KCNH1: variants seen among roughly 807,000 people sequenced by gnomAD.
The protein encoded by KCNH1 is voltage-gated delayed rectifier potassium channel KCNH1.
A neutral mutation model predicts 69.2 loss-of-function variants in KCNH1; 27 were observed. That is an observed-to-expected ratio of 0.39 (90% CI 0.29 to 0.54). KCNH1 has a LOEUF of 0.54. Among genes scored for constraint, KCNH1 ranks in the 20% least tolerant of loss-of-function variants. The pLI, the probability that KCNH1 is intolerant of heterozygous loss-of-function variation, is 0.68. For missense variants in KCNH1, 798 were observed against 1,261.6 expected (o/e 0.63, Z 5.57); for synonymous variants, 456 against 487.7 (o/e 0.93, Z 0.86).
At chr1:211,044,299 G>C (rs763087367) in intron 5 of KCNH1, among the ~76,000 whole-genome samples, 1 of 152,006 alleles carries the variant, frequency 6.6e-6, no homozygotes, top group African/African-American at 2.4e-5. Context: ...CACCAACAGC[G>C]ACCAAGTGGA....
At chr1:210,836,021 T>C (rs1211903224) in intron 7 of KCNH1, among the ~76,000 whole-genome samples, 1 of 143,942 alleles carries the variant, frequency 6.9e-6, no homozygotes, top group African/African-American at 2.6e-5. Context: ...TCCCAGCTAC[T>C]AGGGAGGCTG....
At chr1:210,840,660 G>T (rs1685387501) in intron 7 of KCNH1, among the ~76,000 whole-genome samples, 1 of 152,188 alleles carries the variant, frequency 6.6e-6, no homozygotes, top group Non-Finnish European at 1.5e-5. Flanking sequence ...GCAAAAGCAA[G>T]CTTGGAGTCT....
At chr1:211,095,016 T>C (rs1405796409) in intron 3 of KCNH1, among the ~76,000 whole-genome samples, 1 of 152,194 alleles carries the variant, frequency 6.6e-6, no homozygotes, top group African/African-American at 2.4e-5. Context: ...TATTCAGGTA[T>C]CCTTTGGCTC....
At chr1:210,733,740 G>A (rs754541033) in intron 10 of KCNH1, among the ~76,000 whole-genome samples, 22 of 152,112 alleles carry the variant, frequency 1.4e-4, no homozygotes, top group Non-Finnish European at 1.9e-4. Flanking sequence ...GTCTGGGCAG[G>A]GCTGTGAAAA....
intron 6 of KCNH1, among the ~76,000 whole-genome samples, chr1:211,012,021 A>G (rs1689404353): frequency 6.6e-6 from 1 of 152,244 alleles, no homozygotes; most frequent in Non-Finnish European, 1.5e-5. Context: ...AAATGCACTC[A>G]TCCGCAGCAC....
intron 6 of KCNH1, among the ~76,000 whole-genome samples, chr1:210,925,348 A>C (rs1157870687): frequency 6.6e-6 from 1 of 152,230 alleles, no homozygotes; most frequent in Non-Finnish European, 1.5e-5. Flanking sequence ...CTGCAGGAAT[A>C]TATCAGGAAA....
chr1:210,757,188 T>A (rs564365510), intron 10 of KCNH1, among the ~76,000 whole-genome samples: 1 of 152,270 alleles, frequency 6.6e-6, no homozygotes, highest in Admixed American at 6.5e-5. Context: ...GCCCTGTCTA[T>A]CTCATGTGTA....
chr1:210,745,268 A>G (rs563850585), intron 10 of KCNH1, among the ~76,000 whole-genome samples: 1 of 146,812 alleles, frequency 6.8e-6, no homozygotes, highest in East Asian at 2.1e-4. Context: ...GTAAAAGCCA[A>G]TGTAGGGACT....
At chr1:211,037,286 C>T (rs1458129384) in intron 5 of KCNH1, among the ~76,000 whole-genome samples, 1 of 152,074 alleles carries the variant, frequency 6.6e-6, no homozygotes, top group Non-Finnish European at 1.5e-5. Context: ...AGCCTCTGAG[C>T]CTTTTCACTA....
intron 7 of KCNH1, among the ~76,000 whole-genome samples, chr1:210,893,277 G>A (rs12407296): frequency 0.11 from 17,238 of 152,128 alleles, 1,280 homozygotes; most frequent in Non-Finnish European, 0.17. Context: ...TTTTTGCTGG[G>A]TATAGAATTC....
chr1:211,084,203 T>C (rs964976716), intron 4 of KCNH1, among the ~76,000 whole-genome samples: 1 of 148,208 alleles, frequency 6.7e-6, no homozygotes, highest in Non-Finnish European at 1.5e-5. Flanking sequence ...CCAGTGTCAA[T>C]GAATGTGCTA....
chr1:210,794,762 C>T (rs1684275624), intron 9 of KCNH1, among the ~76,000 whole-genome samples: 2 of 152,118 alleles, frequency 1.3e-5, no homozygotes, highest in African/African-American at 4.8e-5. Context: ...GAAAAATGCC[C>T]TTATCAAAGG....
chr1:210,759,625 A>C (rs1683474156), intron 10 of KCNH1, among the ~76,000 whole-genome samples: 1 of 152,146 alleles, frequency 6.6e-6, no homozygotes, highest in South Asian at 2.1e-4. Context: ...TGAATCAACA[A>C]AAATAAAGAA....
At chr1:210,877,598 A>G (rs1389663360) in intron 7 of KCNH1, among the ~76,000 whole-genome samples, 1 of 152,216 alleles carries the variant, frequency 6.6e-6, no homozygotes, top group African/African-American at 2.4e-5. Flanking sequence ...TTTTCACTGC[A>G]CTATTCCATA....
At chr1:211,118,439 G>A (rs977880851) in intron 1 of KCNH1, among the ~76,000 whole-genome samples, 5 of 152,220 alleles carry the variant, frequency 3.3e-5, no homozygotes, top group East Asian at 3.9e-4. Context: ...GTTCCCCTGC[G>A]TCCCAAGTCT....
intron 7 of KCNH1, among the ~76,000 whole-genome samples, chr1:210,828,852 T>C (rs919645671): frequency 1.2e-4 from 18 of 152,182 alleles, no homozygotes; most frequent in African/African-American, 4.1e-4. Context: ...AACATCACTG[T>C]TCAAAAGCAG....
At chr1:210,777,811 A>G (rs1250210688) in intron 9 of KCNH1, among the ~76,000 whole-genome samples, 5 of 152,216 alleles carry the variant, frequency 3.3e-5, no homozygotes, top group African/African-American at 4.8e-5. Context: ...AACTCACATC[A>G]AGAGGTGAAG....
intron 5 of KCNH1, among the ~76,000 whole-genome samples, chr1:211,061,714 T>C (rs1335873309): frequency 6.6e-6 from 1 of 152,124 alleles, no homozygotes; most frequent in African/African-American, 2.4e-5. Flanking sequence ...GCGATTCCAT[T>C]TGCAATAGCT....
chr1:210,975,600 G>C (rs1030911311), intron 6 of KCNH1, among the ~76,000 whole-genome samples: 166 of 152,190 alleles, frequency 1.1e-3, no homozygotes, highest in Non-Finnish European at 1.8e-3. Flanking sequence ...ACAATTAATT[G>C]AAGATGGATT....
Sources: gnomAD v4.1 joint callset for allele counts (sites outside exome capture counted in the v4.1 genomes callset) on GRCh38, gnomAD v4.1.1 for gene constraint, MANE v1.5 for transcripts, NCBI Gene and HGNC (gene_info 2026-07-23, HGNC 2026-07-21) for gene names.